FRMD5: variants seen among roughly 807,000 people sequenced by gnomAD.
The protein encoded by FRMD5 is FERM domain-containing protein 5.
FRMD5 carries 20 observed loss-of-function variants against 69.0 expected under a neutral mutation model. The observed-to-expected ratio is 0.29, with a 90% CI of 0.20 to 0.42. FRMD5 has a LOEUF of 0.42. FRMD5 is among the 10% of genes least tolerant of loss of function. The pLI, the probability that FRMD5 is intolerant of heterozygous loss-of-function variation, is 1.00. For missense variants in FRMD5, 595 were observed against 708.6 expected, an observed-to-expected ratio of 0.84 and a Z score of 1.82; for synonymous variants, 271 against 260.1, an observed-to-expected ratio of 1.04 and a Z score of -0.40.
At chr15:44,087,479 G>A (rs937080144) in intron 1 of FRMD5, among the ~76,000 whole-genome samples, 1 of 151,964 alleles carries the variant, frequency 6.6e-6, no homozygotes, top group Admixed American at 6.6e-5. Flanking sequence ...AAAACATTAC[G>A]GCACATTCTA....
At chr15:43,990,616 A>G (rs1403971935) in intron 1 of FRMD5, among the ~76,000 whole-genome samples, 2 of 152,234 alleles carry the variant, frequency 1.3e-5, no homozygotes, top group Non-Finnish European at 2.9e-5. Flanking sequence ...AGCAAAAACT[A>G]CAAGTATTTA....
chr15:44,084,521 G>A (rs1165083806), intron 1 of FRMD5, among the ~76,000 whole-genome samples: 3 of 152,056 alleles, frequency 2.0e-5, no homozygotes, highest in African/African-American at 7.2e-5. Context: ...AGATATAAAT[G>A]TTGATATAAA....
At position 43,873,204 on chromosome 15, in the gene FRMD5, G is replaced by GTCCCTTCAGATGCCCACTCTGC; in HGVS notation, c.*659_*680dup. ...TGATGCTGCTGTTGCTGTAGCGGTG[G>GTCCCTTCAGATGCCCACTCTGC]TCCCTTCAGATGCCCACTCTGCTCA... On this transcript the variant is annotated 3_prime_UTR_variant, in exon 14 of 14. Transcript: ENST00000417257. The GTCCCTTCAGATGCCCACTCTGC allele has an allele frequency of 6.4e-7, 1 of 1,550,488 alleles. No individual in the cohort carries two copies. Among genetic ancestry groups the GTCCCTTCAGATGCCCACTCTGC allele is most frequent in the Non-Finnish European group, 8.7e-7 (1 of 1,146,970 alleles).
At chr15:43,902,473 G>C (rs1374979796) in intron 6 of FRMD5, among the ~76,000 whole-genome samples, 1 of 152,076 alleles carries the variant, frequency 6.6e-6, no homozygotes, top group Non-Finnish European at 1.5e-5. Context: ...GCTACATAAT[G>C]AATTACTTGG....
At chr15:43,888,915 C>G (rs1201510222) in intron 8 of FRMD5, 43 bp from the exon 9 acceptor site, 1 of 1,546,512 alleles carries the variant, frequency 6.5e-7, no homozygotes. Context: ...TTGTGGGCTG[C>G]TTGTTCACAG....
intron 1 of FRMD5, among the ~76,000 whole-genome samples, chr15:44,157,484 A>T (rs534494887): frequency 2.1e-3 from 319 of 152,328 alleles, no homozygotes; most frequent in Non-Finnish European, 3.9e-3. Flanking sequence ...AGTAGTATTC[A>T]CATAATACTT....
At chr15:44,117,919 G>A (rs1299403195) in intron 1 of FRMD5, among the ~76,000 whole-genome samples, 1 of 150,636 alleles carries the variant, frequency 6.6e-6, no homozygotes, top group African/African-American at 2.5e-5. Context: ...GCCTTTAAAG[G>A]TTTGCTTTGA....
chr15:43,892,020 A>G lies in FRMD5; in HGVS notation c.689T>C (p.Val230Ala), dbSNP rs1363026209. ...AFLAFTPFGF[V>A]VLQGNKRVHF... ...GACCCTCTTGTTTCCTTGAAGAACA[A>G]CAAACCCAAAAGGAGTGAAGGCCAG... is the stretch of plus-strand genomic sequence containing the variant. Residue 230 changes from valine (V) to alanine (A), a missense_variant, in exon 8 of 14, where the codon GTT becomes GCT. By Grantham distance (64) the Val-to-Ala change is moderately conservative (BLOSUM62 0). This residue lies in a region of FRMD5 where 176 missense variants were observed against 266.3 expected (regional missense o/e 0.66). Coordinates refer to ENST00000417257, the MANE Select transcript of FRMD5 (RefSeq NM_032892.5). The G allele has an allele frequency of 3.1e-6, 5 of 1,614,072 alleles. No homozygotes were observed. The highest frequency in any genetic ancestry group is 2.5e-6 in the Non-Finnish European group (3 of 1,180,022).
chr15:43,901,950 T>C (rs1008544815), intron 7 of FRMD5: 3 of 517,440 alleles, frequency 5.8e-6, no homozygotes, highest in Non-Finnish European at 1.0e-5. Flanking sequence ...ATTTGTTATT[T>C]AGATTGACTT....
In FRMD5 at chr15:43,884,748, C is replaced by T. The variant is rs759404040; in HGVS notation, c.1007G>A (p.Arg336Gln). 1.9e-5 allele frequency: 30 copies of T among 1,614,004 alleles called. No individual in the cohort carries two copies. Among genetic ancestry groups the T allele is most frequent in the South Asian group, 3.3e-5 (3 of 91,076 alleles). The change falls in exon 12 of 14, where the codon CGG becomes CAG. Residue 336 changes from arginine (R) to glutamine (Q), a missense_variant. Around this residue, in one of 5 missense-constraint regions of FRMD5, gnomAD observed 176 missense variants for 266.3 expected, o/e 0.66. Coordinates refer to ENST00000417257, the MANE Select transcript of FRMD5 (RefSeq NM_032892.5). ...EVMESSAKIK[R>Q]EPPEIHRAGM... ...CTACCTGTGTATTTCCGGTGGCTCC[C>T]GTTTGATCTTAGCACTTGATTCCAT...
chr15:43,907,393 A>ACAGG (rs1223771931), intron 5 of FRMD5, among the ~76,000 whole-genome samples: 1 of 152,070 alleles, frequency 6.6e-6, no homozygotes, highest in Admixed American at 6.5e-5. Flanking sequence ...TTCTTTTGAG[A>ACAGG]CAGGGTCTCA....
intron 1 of FRMD5, among the ~76,000 whole-genome samples, chr15:44,010,500 C>A (rs1890668401): frequency 6.6e-6 from 1 of 151,510 alleles, no homozygotes; most frequent in African/African-American, 2.4e-5. Flanking sequence ...TGAGTTCAAG[C>A]CATTTTCCTG....
At chr15:44,132,072 T>C (rs111933463) in intron 1 of FRMD5, among the ~76,000 whole-genome samples, 148 of 152,238 alleles carry the variant, frequency 9.7e-4, no homozygotes, top group Non-Finnish European at 1.5e-3. Flanking sequence ...CAGTGACACA[T>C]CATCAGGCAT....
Position 43,874,415 on chromosome 15 carries a change from T to C in FRMD5, c.1183A>G (p.Thr395Ala), listed in dbSNP as rs746552178. 6.2e-7 allele frequency: 1 copy of C among 1,614,174 alleles called. No homozygotes were observed. Among genetic ancestry groups the C allele is most frequent in the African/African-American group, 1.3e-5 (1 of 75,052 alleles). The change falls in exon 14 of 14, where the codon ACT (threonine) becomes GCT (alanine). Residue 395 changes from threonine to alanine, a missense_variant. By Grantham distance (58) the Thr-to-Ala change is moderately conservative (BLOSUM62 0). Around this residue, in one of 5 missense-constraint regions of FRMD5, gnomAD observed 245 missense variants for 227.1 expected, o/e 1.08. Transcript: ENST00000417257. The part of the protein sequence containing the change: ...DSAHSTPVRS[T>A]SHGDTFLPHV... Reference sequence around the variant, plus strand: ...GGCAGGAAGGTGTCCCCATGGGAAGTGGAACGCACTGGTGTGGAATGGGCA... The same window carrying C: ...GGCAGGAAGGTGTCCCCATGGGAAGCGGAACGCACTGGTGTGGAATGGGCA...
intron 1 of FRMD5, among the ~76,000 whole-genome samples, chr15:43,977,385 T>C (rs2090480304): frequency 6.6e-6 from 1 of 152,174 alleles, no homozygotes; most frequent in African/African-American, 2.4e-5. Context: ...TTTGTATTAT[T>C]ATCATTTAGG....
chr15:44,106,658 C>T (rs182621005), intron 1 of FRMD5, among the ~76,000 whole-genome samples: 259 of 152,256 alleles, frequency 1.7e-3, no homozygotes, highest in African/African-American at 5.8e-3. Flanking sequence ...GTATACTTCC[C>T]TCTGGACTCC....
chr15:43,922,354 C>T (rs866872532), intron 2 of FRMD5, among the ~76,000 whole-genome samples: 9 of 152,184 alleles, frequency 5.9e-5, no homozygotes, highest in Admixed American at 2.0e-4. Context: ...GAATAACATA[C>T]GTGAAGCTCT....
chr15:43,898,548 G>A (rs482209), intron 7 of FRMD5, among the ~76,000 whole-genome samples: 6 of 152,198 alleles, frequency 3.9e-5, no homozygotes, highest in South Asian at 2.1e-4. Flanking sequence ...TCCATGAACC[G>A]TAACAGGACA....
At chr15:43,903,846 C>G (rs1342953231) in intron 6 of FRMD5, among the ~76,000 whole-genome samples, 1 of 152,210 alleles carries the variant, frequency 6.6e-6, no homozygotes, top group Non-Finnish European at 1.5e-5. Context: ...CCCTACTATT[C>G]TGATGTCTCC....
Sources: gnomAD v4.1 joint callset for allele counts (sites outside exome capture counted in the v4.1 genomes callset) on GRCh38, gnomAD v4.1.1 for gene constraint, gnomAD v4.1.1 regional missense constraint, MANE v1.5 for transcripts, NCBI Gene and HGNC (gene_info 2026-07-23, HGNC 2026-07-21) for gene names.